The following SIK3 variants were observed in gnomAD, a reference collection of about 807,000 sequenced individuals.
SIK3 encodes SIK family kinase 3.
In SIK3, 28 loss-of-function variants were observed where a neutral mutation model predicts 144.2. The ratio of observed to expected loss-of-function variants is 0.19; its 90% CI spans 0.14 to 0.27. The LOEUF (loss-of-function observed/expected upper bound fraction) is 0.27, where lower values mean the gene tolerates loss of function less well. Ranked by LOEUF, SIK3 falls within the 10% of genes least tolerant of loss-of-function variation. SIK3 has a pLI of 1.00. For missense variants in SIK3, 1,319 were observed against 1,776.0 expected, an observed-to-expected ratio of 0.74 and a Z score of 4.62; for synonymous variants, 686 against 676.3, an observed-to-expected ratio of 1.01 and a Z score of -0.22.
At chr11:116,942,598 C>A (rs1948373758) in intron 3 of SIK3, among the ~76,000 whole-genome samples, 1 of 152,116 alleles carries the variant, frequency 6.6e-6, no homozygotes, top group Non-Finnish European at 1.5e-5. Context: ...GCAAACACCT[C>A]TCTAATGAGA....
intron 6 of SIK3, among the ~76,000 whole-genome samples, chr11:116,892,986 C>T (rs1945208623): frequency 6.6e-6 from 1 of 152,012 alleles, no homozygotes; most frequent in South Asian, 2.1e-4. Flanking sequence ...ATGTTTCTAC[C>T]CATATGACAT....
intron 13 of SIK3, among the ~76,000 whole-genome samples, chr11:116,872,309 A>C (rs543221738): frequency 5.9e-5 from 9 of 152,258 alleles, no homozygotes; most frequent in Non-Finnish European, 1.3e-4. Context: ...TAGACACAGT[A>C]AGTCACCCCA....
chr11:117,053,085 C>T (rs540640029), intron 1 of SIK3, among the ~76,000 whole-genome samples: 11 of 152,132 alleles, frequency 7.2e-5, no homozygotes, highest in African/African-American at 2.6e-4. Context: ...ATGCCTGTAA[C>T]CCCAGCACTT....
chr11:117,035,970 G>A, intron 1 of SIK3: 1 of 1,572,336 alleles, frequency 6.4e-7, no homozygotes, highest in Non-Finnish European at 8.6e-7. Flanking sequence ...CAGGAATTGG[G>A]GCTCTGCACC....
At chr11:116,965,377 T>C (rs945738468) in intron 1 of SIK3, among the ~76,000 whole-genome samples, 43 of 151,936 alleles carry the variant, frequency 2.8e-4, no homozygotes, top group Non-Finnish European at 6.2e-4. Flanking sequence ...CAACAATTTT[T>C]TTTTTTTAAA....
At position 116,849,191 on chromosome 11, in the gene SIK3, A is replaced by G. The variant is rs1221983955; in HGVS notation, c.3748T>C (p.Ser1250Pro). Reference sequence around the variant, plus strand: ...CGGGGCCTGTGGTGCTCATGGACGGAGGGGCGTGCTGGGTACCCGAGCCCA... The same window carrying G: ...CGGGGCCTGTGGTGCTCATGGACGGGGGGGCGTGCTGGGTACCCGAGCCCA... ...HNGLGYPARPSVHEHHRPRAL... is the reference protein window; with the variant it reads ...HNGLGYPARPPVHEHHRPRAL... The change falls in exon 22 of 25, where the codon TCC (serine) becomes CCC (proline). Residue 1250 changes from serine (S) to proline (P), a missense_variant. Transcript: ENST00000445177. The surrounding 1 kb of genome is among the most constrained non-coding windows in gnomAD (Gnocchi z 4.2). 1 of 1,613,922 alleles carries G rather than the reference A, an allele frequency of 6.2e-7. No homozygotes were observed. The highest frequency in any genetic ancestry group is 8.5e-7 in the Non-Finnish European group (1 of 1,179,928).
intron 1 of SIK3, among the ~76,000 whole-genome samples, chr11:117,053,232 G>A (rs1044551822): frequency 1.3e-5 from 2 of 151,772 alleles, no homozygotes; most frequent in African/African-American, 2.4e-5. Context: ...AGCTACTCAG[G>A]AGGCTGAAGC....
At chr11:116,904,398 C>A (rs190140568) in intron 4 of SIK3, among the ~76,000 whole-genome samples, 8 of 152,278 alleles carry the variant, frequency 5.3e-5, no homozygotes, top group Admixed American at 4.6e-4. Context: ...CAGCATCATG[C>A]CAGATAAAAT....
intron 1 of SIK3, among the ~76,000 whole-genome samples, chr11:117,033,561 T>G (rs1952357955): frequency 6.6e-6 from 1 of 151,496 alleles, no homozygotes; most frequent in African/African-American, 2.4e-5. Flanking sequence ...AAAAAAAAAT[T>G]AGCCAGGCGT....
chr11:116,917,417 T>C (rs1006176), intron 4 of SIK3, among the ~76,000 whole-genome samples: 11,346 of 152,140 alleles, frequency 0.075, 508 homozygotes, highest in Middle Eastern at 0.11. Flanking sequence ...AACTAGAAAC[T>C]ACAGGTAAGA....
At chr11:116,999,752 A>G (rs904096006) in intron 1 of SIK3, among the ~76,000 whole-genome samples, 4 of 152,270 alleles carry the variant, frequency 2.6e-5, no homozygotes, top group African/African-American at 9.6e-5. Context: ...TCCCTCTTCT[A>G]AACAACATTG....
intron 19 of SIK3, 133 bp from the exon 20 acceptor site, chr11:116,859,737 C>T (rs1943206637): frequency 2.7e-6 from 2 of 733,104 alleles, no homozygotes; most frequent in Non-Finnish European, 4.5e-6. Context: ...GAGCATAGGA[C>T]AAGTCTGGAG....
chr11:116,894,698 G>T (rs1945300190), intron 6 of SIK3, among the ~76,000 whole-genome samples: 1 of 152,186 alleles, frequency 6.6e-6, no homozygotes, highest in Non-Finnish European at 1.5e-5. Context: ...ATCTCATAGG[G>T]TTGTTAAAAT....
intron 1 of SIK3, among the ~76,000 whole-genome samples, chr11:116,981,849 AAATT>A (rs1168216433): frequency 1.3e-5 from 2 of 152,188 alleles, no homozygotes; most frequent in Admixed American, 6.5e-5. Context: ...CCTGTCTCTA[AAATT>A]AATTAATTAA....
intron 1 of SIK3, among the ~76,000 whole-genome samples, chr11:116,966,242 A>T (rs1022524655): frequency 6.6e-6 from 1 of 152,132 alleles, no homozygotes; most frequent in Non-Finnish European, 1.5e-5. Context: ...AAAATTTTTT[A>T]AAAATTATCC....
chr11:116,990,171 A>G (rs1327723721), intron 1 of SIK3, among the ~76,000 whole-genome samples: 1 of 152,216 alleles, frequency 6.6e-6, no homozygotes, highest in Non-Finnish European at 1.5e-5. Flanking sequence ...CTTGGCAGCA[A>G]TACATGTACT....
chr11:116,975,716 ATACC>A (rs1184408916), intron 1 of SIK3, among the ~76,000 whole-genome samples: 1 of 152,170 alleles, frequency 6.6e-6, no homozygotes, highest in Non-Finnish European at 1.5e-5. Flanking sequence ...TCTTGGGTTT[ATACC>A]TACCAGTGGA....
At chr11:117,055,875 A>T (rs1431333497) in intron 1 of SIK3, among the ~76,000 whole-genome samples, 2 of 152,240 alleles carry the variant, frequency 1.3e-5, no homozygotes, top group East Asian at 3.8e-4. Context: ...GTGAGGACAC[A>T]GCATTCAAGG....
chr11:117,015,130 C>G (rs1951464557), intron 1 of SIK3, among the ~76,000 whole-genome samples: 1 of 152,012 alleles, frequency 6.6e-6, no homozygotes, highest in African/African-American at 2.4e-5. Context: ...CAATAAAAGA[C>G]AAATAACCCA....
Sources: gnomAD v4.1 joint callset for allele counts (sites outside exome capture counted in the v4.1 genomes callset) on GRCh38, gnomAD v4.1.1 for gene constraint, Gnocchi (gnomAD v3.1) non-coding constraint, MANE v1.5 for transcripts, NCBI Gene and HGNC (gene_info 2026-07-23, HGNC 2026-07-21) for gene names.